BORA: variants seen among roughly 807,000 people sequenced by gnomAD.
BORA encodes the protein protein aurora borealis.
A neutral mutation model predicts 55.8 loss-of-function variants in BORA; 26 were observed. That is an observed-to-expected ratio of 0.47 (90% CI 0.34 to 0.65). BORA has a LOEUF of 0.65. Ranked by LOEUF, BORA falls within the 30% of genes least tolerant of loss-of-function variation. BORA has a pLI of 0.01. For missense variants in BORA, 568 were observed against 671.5 expected, an observed-to-expected ratio of 0.85 and a Z score of 1.70; for synonymous variants, 201 against 216.9, an observed-to-expected ratio of 0.93 and a Z score of 0.64.
At chr13:72,751,579 T>C (rs1333122775) in intron 10 of BORA, among the ~76,000 whole-genome samples, 2 of 152,052 alleles carry the variant, frequency 1.3e-5, no homozygotes, top group Non-Finnish European at 2.9e-5. Context: ...TGGTAGGTAG[T>C]AGAGGATGGG....
intron 3 of BORA, among the ~76,000 whole-genome samples, chr13:72,734,681 C>A (rs2138049033): frequency 6.6e-6 from 1 of 152,150 alleles, no homozygotes; most frequent in East Asian, 1.9e-4. Context: ...TTGTTAAAAG[C>A]AATTTAATAT....
intron 3 of BORA, among the ~76,000 whole-genome samples, chr13:72,734,343 T>C (rs1593806839): frequency 6.6e-6 from 1 of 152,202 alleles, no homozygotes; most frequent in East Asian, 1.9e-4. Context: ...CCTTGGCAAG[T>C]ATATGCTTTG....
At chr13:72,741,298 T>G (rs2033028602) in intron 5 of BORA, among the ~76,000 whole-genome samples, 2 of 152,224 alleles carry the variant, frequency 1.3e-5, no homozygotes, top group Admixed American at 6.5e-5. Context: ...CTGCCTGCCC[T>G]TGGCATTATC....
chr13:72,742,802 A>G, intron 5 of BORA, among the ~76,000 whole-genome samples: 1 of 140,942 alleles, frequency 7.1e-6, no homozygotes, highest in Admixed American at 7.1e-5. Flanking sequence ...ACACACACAC[A>G]CACACACACA....
intron 11 of BORA, chr13:72,754,059 C>A (rs548855699): frequency 6.8e-5 from 26 of 380,580 alleles, no homozygotes; most frequent in Admixed American, 5.1e-4. Flanking sequence ...ATTTACTGAA[C>A]CTTCCAGGTG....
At chr13:72,744,398 C>A in intron 6 of BORA, 107 bp from the exon 7 acceptor site, 1 of 900,960 alleles carries the variant, frequency 1.1e-6, no homozygotes, top group Non-Finnish European at 1.7e-6. Context: ...TTGGCTGGAA[C>A]ATCACGGGGA....
At chr13:72,754,901 A>G (rs1342245436) in intron 11 of BORA, 2 of 363,908 alleles carry the variant, frequency 5.5e-6, no homozygotes, top group Admixed American at 4.3e-5. Context: ...TTTGGTAGAG[A>G]CAGGGTCTCA....
At position 72,727,953 on chromosome 13, in the gene BORA, C is replaced by T; in HGVS notation, c.-70C>T. The T allele has an allele frequency of 6.4e-7, 1 of 1,550,634 alleles. No individual in the cohort carries two copies. The highest frequency in any genetic ancestry group is 8.7e-7 in the Non-Finnish European group (1 of 1,146,996). ...GTCTATGCCTGTCGTGGAAGCTGGC[C>T]TGGCCCCCGGAGCTCCCTGGAGTCG... On this transcript the variant is annotated 5_prime_UTR_variant, in exon 1 of 12. Transcript: ENST00000390667.
chr13:72,749,199 G>A (rs1330127724), intron 10 of BORA, among the ~76,000 whole-genome samples: 1 of 152,180 alleles, frequency 6.6e-6, no homozygotes. Context: ...TGAAGGCATT[G>A]CTTCCATTTC....
chr13:72,743,466 T>C (rs1236485790), intron 5 of BORA, 71 bp from the exon 6 acceptor site: 3 of 1,125,870 alleles, frequency 2.7e-6, no homozygotes, highest in Non-Finnish European at 3.7e-6. Context: ...AATTTTTTAC[T>C]TTGGAAAAAG....
chr13:72,733,206 T>A (rs2032854047), intron 3 of BORA, among the ~76,000 whole-genome samples: 1 of 152,250 alleles, frequency 6.6e-6, no homozygotes, highest in African/African-American at 2.4e-5. Flanking sequence ...TTTCAGTATC[T>A]CTTCTTACAT....
At chr13:72,751,753 G>T (rs909794145) in intron 10 of BORA, among the ~76,000 whole-genome samples, 1 of 152,136 alleles carries the variant, frequency 6.6e-6, no homozygotes, top group African/African-American at 2.4e-5. Context: ...AGTTCCCAAC[G>T]CAATGATAAA....
chr13:72,745,247 C>T, intron 8 of BORA, 40 bp downstream of exon 8: 1 of 1,513,494 alleles, frequency 6.6e-7, no homozygotes, highest in Non-Finnish European at 9.1e-7. Context: ...AATATGCTGT[C>T]AAGCTTGAAC....
At chr13:72,738,999 G>A (rs1025814) in intron 5 of BORA, among the ~76,000 whole-genome samples, 42,547 of 152,046 alleles carry the variant, frequency 0.28, 7,440 homozygotes, top group East Asian at 0.52. Flanking sequence ...GTGGTAGCAC[G>A]CAATAGTAGA....
intron 10 of BORA, among the ~76,000 whole-genome samples, chr13:72,749,661 T>C (rs1406449543): frequency 6.6e-6 from 1 of 152,208 alleles, no homozygotes; most frequent in Non-Finnish European, 1.5e-5. Context: ...GGCTGGTCTT[T>C]CTACTCTCCA....
chr13:72,739,110 A>G (rs1170030332), intron 5 of BORA, among the ~76,000 whole-genome samples: 1 of 152,216 alleles, frequency 6.6e-6, no homozygotes, highest in Non-Finnish European at 1.5e-5. Context: ...GTGAAATAAA[A>G]GGATTGAACT....
At chr13:72,736,429 A>G (rs2032929143) in intron 4 of BORA, among the ~76,000 whole-genome samples, 1 of 152,160 alleles carries the variant, frequency 6.6e-6, no homozygotes, top group Admixed American at 6.5e-5. Flanking sequence ...ATTTAATAGC[A>G]TATGTCCTTA....
intron 6 of BORA, 62 bp from the exon 7 acceptor site, chr13:72,744,442 TA>T: frequency 1.5e-6 from 2 of 1,352,294 alleles, no homozygotes. Flanking sequence ...CTGAATTGTA[TA>T]GTGTATACTT....
At chr13:72,747,827 C>A (rs1452427670) in intron 10 of BORA, among the ~76,000 whole-genome samples, 1 of 152,184 alleles carries the variant, frequency 6.6e-6, no homozygotes, top group African/African-American at 2.4e-5. Context: ...GCCACCGCGC[C>A]TGGCCTTAGA....
Sources: gnomAD v4.1 joint callset for allele counts (sites outside exome capture counted in the v4.1 genomes callset) on GRCh38, gnomAD v4.1.1 for gene constraint, MANE v1.5 for transcripts, NCBI Gene and HGNC (gene_info 2026-07-23, HGNC 2026-07-21) for gene names.